ICA1L: variants seen among roughly 807,000 people sequenced by gnomAD.
ICA1L encodes islet cell autoantigen 1-like protein.
A neutral mutation model predicts 61.3 loss-of-function variants in ICA1L; 50 were observed. The observed-to-expected ratio is 0.82, with a 90% CI of 0.65 to 1.03. The LOEUF is 1.03. ICA1L is among the 50% of genes least tolerant of loss of function. The pLI is 0.00. For missense variants in ICA1L, 508 were observed against 556.7 expected, an observed-to-expected ratio of 0.91 and a Z score of 0.88; for synonymous variants, 161 against 191.3, an observed-to-expected ratio of 0.84 and a Z score of 1.31.
At chr2:202,857,313 A>G (rs188861546) in intron 1 of ICA1L, among the ~76,000 whole-genome samples, 108 of 152,332 alleles carry the variant, frequency 7.1e-4, no homozygotes, top group Admixed American at 1.9e-3. Context: ...GACCTCAGAA[A>G]TAACACCACA....
chr2:202,782,412 GGT>G (rs1692437588), intron 12 of ICA1L, among the ~76,000 whole-genome samples: 1 of 146,732 alleles, frequency 6.8e-6, no homozygotes, highest in Non-Finnish European at 1.5e-5. Flanking sequence ...TTTTGTTTTT[GGT>G]TTTTTTTTTT....
At position 202,821,538 on chromosome 2, in the gene ICA1L, T is replaced by C. The variant is rs192166681; in HGVS notation, c.236-57A>G. The C allele has an allele frequency of 6.9e-6, 9 of 1,308,116 alleles. No individual in the cohort carries two copies. The Admixed American group carries it at 8.8e-5, about 13-fold the overall frequency. The allele number at this position is 1,308,116 out of a possible 1,614,324, so 81.0% of individuals were successfully genotyped here. A position where few individuals can be genotyped will look rare whatever the true frequency, so the allele number is the denominator to read the frequency against. ...TTCCTTTCATCATTTGTTTAAAACA[T>C]ACACACAACTAAAAATCTCACAGCA... On this transcript the variant is annotated intron_variant, in intron 3 of 12. Transcript: ENST00000358299.
intron 1 of ICA1L, among the ~76,000 whole-genome samples, chr2:202,858,780 C>T (rs770886062): frequency 2.0e-5 from 3 of 152,110 alleles, no homozygotes; most frequent in Non-Finnish European, 4.4e-5. Flanking sequence ...CAGTTGCGTA[C>T]GGTATTCAGT....
rs1246176643 is a variant in ICA1L at position 202,849,110 on chromosome 2, C to T, written c.-7-20094G>A. Among the ~76,000 whole-genome samples, 3 of 152,306 alleles carry T rather than the reference C, an allele frequency of 2.0e-5. No homozygotes were observed. In the South Asian group the frequency reaches 6.2e-4, roughly 32 times the overall value. ...TCTGGCCCAGATACTATGCTTTTCT[C>T]ACAGTTTTTGCAATCCGCAGACCAG... On this transcript the variant is annotated intron_variant, in intron 1 of 12. Transcript: ENST00000358299. This position sits in a 1 kb window ranked among gnomAD's most constrained non-coding sequence, Gnocchi z 4.5.
In ICA1L at chr2:202,796,991, G is replaced by A. The variant is rs1169295310; in HGVS notation, c.911-27C>T. 2.7e-6 allele frequency: 4 copies of A among 1,493,670 alleles called. No individual in the cohort carries two copies. In the Admixed American group the frequency reaches 7.6e-5, roughly 28 times the overall value. The allele number at this position is 1,493,670 out of a possible 1,614,324, so 92.5% of individuals were successfully genotyped here. On this transcript the variant is annotated intron_variant, in intron 9 of 12. Transcript: ENST00000358299. ...TAAATCAAAAGCACATAAAAGAGAA[G>A]TTGAACAAGAAGAAATTCAGCAAGC...
intron 9 of ICA1L, among the ~76,000 whole-genome samples, chr2:202,801,458 A>T (rs1216634395): frequency 6.6e-6 from 1 of 152,212 alleles, no homozygotes; most frequent in Non-Finnish European, 1.5e-5. Flanking sequence ...AATACCTCAG[A>T]GCATAAATGT....
intron 1 of ICA1L, among the ~76,000 whole-genome samples, chr2:202,852,527 G>A (rs564075679): frequency 8.6e-5 from 13 of 151,656 alleles, no homozygotes; most frequent in South Asian, 8.4e-4. Context: ...AAAAATTACC[G>A]GGCGTGGTGG....
Position 202,773,917 on chromosome 2 carries a change from TAGAA to T in ICA1L, c.*5612_*5615del, listed in dbSNP as rs1692133399. ...ACCAGTGGAATAAGAACAGTCAACG[TAGAA>T]AGAGACAGAAAGATTCTTCTCTTCC... On this transcript the variant is annotated 3_prime_UTR_variant, in exon 13 of 13. Transcript: ENST00000358299. 1.6e-6 allele frequency: 2 copies of T among 1,227,258 alleles called. No homozygotes were observed. The highest frequency in any genetic ancestry group is 1.8e-5 in the Admixed American group (1 of 55,876). 76.0% of individuals were successfully genotyped at this position (1,227,258 alleles called of 1,614,324 possible). A position where few individuals can be genotyped will look rare whatever the true frequency, so the allele number is the denominator to read the frequency against.
intron 10 of ICA1L, among the ~76,000 whole-genome samples, chr2:202,793,812 C>T (rs1380031297): frequency 6.6e-6 from 1 of 151,462 alleles, no homozygotes. Flanking sequence ...CATGGTGAAA[C>T]CCCATCTCTA....
At chr2:202,815,831 TAA>T (rs374333116) in intron 7 of ICA1L, 78 bp downstream of exon 7, 5,640 of 676,520 alleles carry the variant, frequency 8.3e-3, no homozygotes, top group South Asian at 0.013. Context: ...TAACCTTGGT[TAA>T]AAAAAAAAAA....
At chr2:202,830,214 C>T (rs911415174) in intron 1 of ICA1L, among the ~76,000 whole-genome samples, 12 of 152,144 alleles carry the variant, frequency 7.9e-5, no homozygotes, top group African/African-American at 2.9e-4. Flanking sequence ...TCGAGACCAT[C>T]CTGGCCAACA....
At chr2:202,820,191 C>T (rs11679486) in intron 4 of ICA1L, among the ~76,000 whole-genome samples, 13 of 151,934 alleles carry the variant, frequency 8.6e-5, no homozygotes, top group Non-Finnish European at 1.5e-4. Flanking sequence ...CTGGCCAACA[C>T]GGCGAAACCC....
At position 202,850,854 on chromosome 2, in the gene ICA1L, G is replaced by A. The variant is rs1187605847; in HGVS notation, c.-8+20765C>T. On this transcript the variant is annotated intron_variant, in intron 1 of 12. Transcript: ENST00000358299. ...ATATAATTGTCAGATTCTCCAAGGTGAAACGAAGGAAAAAATGTTAAGGGG... is the reference window on the plus strand; with the variant it reads ...ATATAATTGTCAGATTCTCCAAGGTAAAACGAAGGAAAAAATGTTAAGGGG... Among the ~76,000 whole-genome samples the A allele has an allele frequency of 3.3e-5, 5 of 152,050 alleles. No individual in the cohort carries two copies. The East Asian group carries it at 7.7e-4, about 23-fold the overall frequency.
At chr2:202,781,598 C>G (rs901545676) in intron 12 of ICA1L, among the ~76,000 whole-genome samples, 1 of 151,354 alleles carries the variant, frequency 6.6e-6, no homozygotes. Context: ...AAAGACTCCT[C>G]CTCTGAAGCT....
At chr2:202,854,691 T>C (rs1486154353) in intron 1 of ICA1L, among the ~76,000 whole-genome samples, 1 of 152,084 alleles carries the variant, frequency 6.6e-6, no homozygotes, top group Non-Finnish European at 1.5e-5. Context: ...TAAAAAACAG[T>C]CTCTCAGACC....
At chr2:202,782,556 G>A (rs1407272216) in intron 12 of ICA1L, among the ~76,000 whole-genome samples, 1 of 151,750 alleles carries the variant, frequency 6.6e-6, no homozygotes, top group East Asian at 2.0e-4. Context: ...CTACAGGCGT[G>A]TGCCATCACG....
chr2:202,851,316 C>T (rs551233624), intron 1 of ICA1L, among the ~76,000 whole-genome samples: 26 of 152,130 alleles, frequency 1.7e-4, no homozygotes, highest in Non-Finnish European at 3.7e-4. Context: ...CCAGCTTCAT[C>T]CATGTCCCTA....
At chr2:202,812,034 G>A (rs938932547) in intron 8 of ICA1L, among the ~76,000 whole-genome samples, 2 of 152,072 alleles carry the variant, frequency 1.3e-5, no homozygotes, top group African/African-American at 4.8e-5. Flanking sequence ...CAGGCATCAT[G>A]CTCAGTACTC....
chr2:202,862,943 G>T (rs971739466), intron 1 of ICA1L, among the ~76,000 whole-genome samples: 1 of 151,968 alleles, frequency 6.6e-6, no homozygotes, highest in African/African-American at 2.4e-5. Flanking sequence ...ACCCACAGTT[G>T]TGGAATTCAA....
Sources: gnomAD v4.1 joint callset for allele counts (sites outside exome capture counted in the v4.1 genomes callset) on GRCh38, gnomAD v4.1.1 for gene constraint, Gnocchi (gnomAD v3.1) non-coding constraint, MANE v1.5 for transcripts, NCBI Gene and HGNC (gene_info 2026-07-23, HGNC 2026-07-21) for gene names.